EXOC3: variants seen among roughly 807,000 people sequenced by gnomAD.
EXOC3 encodes the protein exocyst complex component 3.
Under a neutral mutation model 73.7 loss-of-function variants are expected in EXOC3, and 21 were observed. The observed-to-expected ratio is 0.29, with a 90% CI of 0.20 to 0.41. The LOEUF is 0.41. EXOC3 is among the 10% of genes least tolerant of loss of function. EXOC3 has a pLI of 1.00. For synonymous variants in EXOC3, 410 were observed against 389.1 expected (o/e 1.05, Z -0.63); for missense variants, 842 against 985.1 (o/e 0.85, Z 1.95).
intron 1 of EXOC3, 66 bp from the exon 2 acceptor site, chr5:446,084 T>C (rs1342912388): frequency 9.1e-7 from 1 of 1,100,942 alleles, no homozygotes; most frequent in African/African-American, 1.5e-5. Context: ...AGCTCCACTG[T>C]GATCACCTGA....
chr5:462,192 A>G lies in EXOC3; in HGVS notation c.1538A>G (p.Lys513Arg). 6.2e-7 allele frequency: 1 copy of G among 1,614,004 alleles called. No individual in the cohort carries two copies. The highest frequency in any genetic ancestry group is 8.5e-7 in the Non-Finnish European group (1 of 1,179,900). Residue 513 changes from lysine to arginine, a missense_variant, in exon 9 of 13, where the codon AAG becomes AGG. Physicochemically the swap from Lys to Arg is conservative, Grantham distance 26 (BLOSUM62 2). Coordinates refer to ENST00000512944, the MANE Select transcript of EXOC3 (RefSeq NM_007277.5). ...SIVSLKRKYL[K>R]NEVEEGVSPS... ...GTCAGTTTAAAAAGAAAGTATTTAA[A>G]GAATGAAGTGGAAGAGGGTGTGTCT...
intron 3 of EXOC3, among the ~76,000 whole-genome samples, chr5:452,167 T>C (rs1737677823): frequency 6.6e-6 from 1 of 152,232 alleles, no homozygotes; most frequent in Non-Finnish European, 1.5e-5. Flanking sequence ...AAGCATATGT[T>C]GGCCTGCTTG....
At chr5:462,668 C>T (rs868499408) in intron 9 of EXOC3, 9 of 220,206 alleles carry the variant, frequency 4.1e-5, no homozygotes, top group African/African-American at 2.0e-4. Context: ...AATATAGGTA[C>T]ACACGCAAAA....
intron 12 of EXOC3, chr5:466,141 T>G (rs1431375616): frequency 8.9e-6 from 3 of 338,680 alleles, no homozygotes; most frequent in East Asian, 6.4e-5. Flanking sequence ...TGGGGAAGAT[T>G]TGGGCTGTGG....
intron 3 of EXOC3, among the ~76,000 whole-genome samples, chr5:452,281 T>G (rs1737680020): frequency 6.6e-6 from 1 of 152,244 alleles, no homozygotes; most frequent in Non-Finnish European, 1.5e-5. Flanking sequence ...TCACATTCAC[T>G]GATTCTTTCT....
At chr5:461,382 A>C (rs113039064) in intron 7 of EXOC3, among the ~76,000 whole-genome samples, 8 of 152,352 alleles carry the variant, frequency 5.3e-5, no homozygotes, top group African/African-American at 1.9e-4. Context: ...TGGGAGGCTG[A>C]GGCGGGTGGA....
In EXOC3 at chr5:466,938, G is replaced by T. The variant is rs1356996662; in HGVS notation, c.*40G>T. The T allele has an allele frequency of 6.5e-7, 1 of 1,544,894 alleles. No individual in the cohort carries two copies. On this transcript the variant is annotated 3_prime_UTR_variant, in exon 13 of 13. Transcript: ENST00000512944. Reference sequence around the variant, plus strand: ...CCCTGCTCGCCCCTCCACAGCCTCGGTCCCTGCCTTTAGAAACGCGGGACA... The same window carrying T: ...CCCTGCTCGCCCCTCCACAGCCTCGTTCCCTGCCTTTAGAAACGCGGGACA...
intron 3 of EXOC3, among the ~76,000 whole-genome samples, chr5:449,527 A>C (rs1377285885): frequency 2.0e-5 from 3 of 152,224 alleles, no homozygotes; most frequent in African/African-American, 7.2e-5. Context: ...TGAAGACCTC[A>C]TAGAAGTGGC....
chr5:447,679 G>T lies in EXOC3; in HGVS notation c.291G>T (p.Lys97Asn). 1 of 1,590,802 alleles carries T rather than the reference G, an allele frequency of 6.3e-7. No homozygotes were observed. Among genetic ancestry groups the T allele is most frequent in the African/African-American group, 1.3e-5 (1 of 74,486 alleles). ...RQSINTIESL[K>N]DVKDAVVQHS... is the part of the protein sequence containing the mutation. Reference sequence around the variant, plus strand: ...GCATCAACACCATTGAGAGCCTCAAGGACGTCAAAGACGCCGTGGTGCAGC... The same window carrying T: ...GCATCAACACCATTGAGAGCCTCAATGACGTCAAAGACGCCGTGGTGCAGC... Residue 97 changes from lysine to asparagine, a missense_variant, in exon 3 of 13, where the codon AAG becomes AAT. Lys to Asn is a moderately conservative substitution (Grantham distance 94, BLOSUM62 0). Coordinates refer to ENST00000512944, the MANE Select transcript of EXOC3 (RefSeq NM_007277.5).
At chr5:464,689 C>T in intron 10 of EXOC3, 1 of 429,402 alleles carries the variant, frequency 2.3e-6, no homozygotes, top group East Asian at 4.5e-5. Context: ...CTTCCACTCA[C>T]TCCCTGAGGC....
At chr5:445,074 T>C (rs551676726) in intron 1 of EXOC3, 3 of 152,352 alleles carry the variant, frequency 2.0e-5, no homozygotes, top group Admixed American at 1.3e-4. Flanking sequence ...GGTGAATCTT[T>C]TTAATATTCA....
Position 464,349 on chromosome 5 carries a change from T to A in EXOC3, c.1713T>A (p.Ile571=). The A allele has an allele frequency of 6.2e-7, 1 of 1,613,716 alleles. No homozygotes were observed. Among genetic ancestry groups the A allele is most frequent in the East Asian group, 2.2e-5 (1 of 44,878 alleles). Residue 571 remains isoleucine (I), a synonymous_variant, in exon 10 of 13, where the codon ATT becomes ATA. Coordinates refer to ENST00000512944, the MANE Select transcript of EXOC3 (RefSeq NM_007277.5). ...TATTAGGGTCAAACGCTGTAGACAT[T>A]ATCTGTGTCACCGTGGAAGACTATT... ...KWLLGSNAVD[I]ICVTVEDYFN...
chr5:453,723 A>T lies in EXOC3; in HGVS notation c.718A>T (p.Arg240Trp). Residue 240 changes from arginine to tryptophan, a missense_variant, in exon 4 of 13, where the codon AGG (arginine) becomes TGG (tryptophan). Arg to Trp is a moderately radical substitution (Grantham distance 101, BLOSUM62 -3). Coordinates refer to ENST00000512944, the MANE Select transcript of EXOC3 (RefSeq NM_007277.5). ...GCAAACTGGCTTTGTTCCTCCTGGG[A>T]GGCCCAAGAATTGGAAGGAGAAAAT... ...KKQTGFVPPG[R>W]PKNWKEKMFT... is the part of the protein sequence containing the mutation. 1.2e-6 allele frequency: 2 copies of T among 1,613,946 alleles called. No individual in the cohort carries two copies. The highest frequency in any genetic ancestry group is 1.7e-6 in the Non-Finnish European group (2 of 1,179,898).
At chr5:466,070 GCACATCCCGGGTGGGGACAGTGGGGT>G in intron 12 of EXOC3, 1 of 345,832 alleles carries the variant, frequency 2.9e-6, no homozygotes, top group Non-Finnish European at 5.5e-6. Flanking sequence ...AGCTCGAGGG[GCACATCCCGGGTGGGGACAGTGGGGT>G]GGGGGCGGGG....
chr5:465,952 T>TGCAGCACG lies in EXOC3; in HGVS notation c.2066+111_2066+118dup. The TGCAGCACG allele has an allele frequency of 6.1e-6, 8 of 1,312,300 alleles. No homozygotes were observed. In the South Asian group the frequency reaches 1.1e-4, roughly 18 times the overall value. The allele number at this position is 1,312,300 out of a possible 1,614,324, so 81.3% of individuals were successfully genotyped here. ...GGCTCCTGGTTCGCAAGTTCAGCCC[T>TGCAGCACG]GCAGCACGGCAAGGGTTCAGGTGCG... On this transcript the variant is annotated intron_variant, in intron 12 of 12. Transcript: ENST00000512944.
intron 1 of EXOC3, 41 bp from the exon 2 acceptor site, chr5:446,109 T>C (rs945260494): frequency 2.5e-5 from 36 of 1,436,804 alleles, no homozygotes; most frequent in Non-Finnish European, 3.3e-5. Context: ...TTGGGGGAGG[T>C]TTTGTACCTA....
intron 5 of EXOC3, chr5:457,317 C>G: frequency 2.7e-6 from 1 of 367,632 alleles, no homozygotes; most frequent in Non-Finnish European, 4.9e-6. Context: ...GCTCTCGGCT[C>G]TGAGTCCCAT....
At chr5:464,880 T>G (rs1738094003) in intron 10 of EXOC3, 1 of 579,872 alleles carries the variant, frequency 1.7e-6, no homozygotes, top group African/African-American at 1.9e-5. Flanking sequence ...CCCGCGTCTG[T>G]CCTGCTGGGG....
At chr5:461,173 T>A (rs376002151) in intron 7 of EXOC3, among the ~76,000 whole-genome samples, 2 of 48,806 alleles carry the variant, frequency 4.1e-5, no homozygotes, top group Non-Finnish European at 8.0e-5. Context: ...ATAAAATAAA[T>A]AAAATAAGAT....
Sources: gnomAD v4.1 joint callset for allele counts (sites outside exome capture counted in the v4.1 genomes callset) on GRCh38, gnomAD v4.1.1 for gene constraint, MANE v1.5 for transcripts, NCBI Gene and HGNC (gene_info 2026-07-23, HGNC 2026-07-21) for gene names.